The following IL13RA1 variants were observed in gnomAD, a reference collection of about 807,000 sequenced individuals.
IL13RA1 encodes interleukin-13 receptor subunit alpha-1.
In IL13RA1, 14 loss-of-function variants were observed where a neutral mutation model predicts 33.8. That is an observed-to-expected ratio of 0.41 (90% CI 0.27 to 0.65). IL13RA1 has a LOEUF of 0.65. Among genes scored for constraint, IL13RA1 ranks in the 30% least tolerant of loss-of-function variants. The probability of loss-of-function intolerance (pLI) is 0.28; values close to 1 mark genes in which losing one functional copy is unlikely to be tolerated. For synonymous variants in IL13RA1, 116 were observed against 115.7 expected (o/e 1.00, Z -0.02); for missense variants, 313 against 327.0 (o/e 0.96, Z 0.33).
At chrX:118,768,802 G>C in intron 8 of IL13RA1, among the ~76,000 whole-genome samples, 1 of 112,100 alleles carries the variant, frequency 8.9e-6, no homozygotes, top group East Asian at 2.8e-4. Context: ...GCTAGGAAGA[G>C]GCAAAGAGGG....
chrX:118,780,964 T>C (rs1322488291), intron 10 of IL13RA1, among the ~76,000 whole-genome samples: 1 of 112,419 alleles, frequency 8.9e-6, no homozygotes, highest in Admixed American at 9.4e-5. Flanking sequence ...TAAAAACTTA[T>C]TTAGTTATGG....
intron 1 of IL13RA1, among the ~76,000 whole-genome samples, chrX:118,736,835 G>A (rs2017288161): frequency 8.9e-6 from 1 of 112,578 alleles, no homozygotes; most frequent in Non-Finnish European, 1.9e-5. Context: ...TGTTGCCAGG[G>A]CTGATCTTTA....
chrX:118,728,509 G>A (rs1013116459), intron 1 of IL13RA1, among the ~76,000 whole-genome samples: 5 of 112,206 alleles, frequency 4.5e-5, no homozygotes, highest in African/African-American at 1.6e-4. Flanking sequence ...CCTGGCAGTT[G>A]TGAAAAATTG....
intron 10 of IL13RA1, among the ~76,000 whole-genome samples, chrX:118,784,149 G>A (rs74701985): frequency 0.099 from 4,048 of 41,003 alleles, 649 homozygotes; most frequent in East Asian, 0.29. Flanking sequence ...ATATATATAC[G>A]TATATACACA....
At chrX:118,771,577 A>G (rs374947367) in intron 8 of IL13RA1, among the ~76,000 whole-genome samples, 1 of 112,273 alleles carries the variant, frequency 8.9e-6, no homozygotes, top group South Asian at 3.7e-4. Context: ...TCAGATAGTA[A>G]TTTGTTCCCA....
At chrX:118,737,059 T>TG (rs2017290776) in intron 1 of IL13RA1, among the ~76,000 whole-genome samples, 1 of 112,791 alleles carries the variant, frequency 8.9e-6, no homozygotes, top group African/African-American at 3.2e-5. Flanking sequence ...AGGGAGGGCT[T>TG]GCAACAGTGG....
intron 1 of IL13RA1, among the ~76,000 whole-genome samples, chrX:118,735,010 G>T (rs1407000717): frequency 9.0e-6 from 1 of 110,649 alleles, no homozygotes; most frequent in African/African-American, 3.3e-5. Context: ...ATTTAGTTTT[G>T]GTGGTTTTGT....
intron 10 of IL13RA1, among the ~76,000 whole-genome samples, chrX:118,784,908 C>A (rs1314689165): frequency 9.0e-6 from 1 of 111,552 alleles, no homozygotes; most frequent in Non-Finnish European, 1.9e-5. Flanking sequence ...GTCTTTTTGG[C>A]TGGTTGTCAA....
At chrX:118,782,909 G>C (rs2017862078) in intron 10 of IL13RA1, among the ~76,000 whole-genome samples, 1 of 110,961 alleles carries the variant, frequency 9.0e-6, no homozygotes, top group South Asian at 3.8e-4. Context: ...GCCTCAACTT[G>C]TTCTTTTTCA....
At chrX:118,781,128 C>T (rs1294269314) in intron 10 of IL13RA1, among the ~76,000 whole-genome samples, 1 of 109,809 alleles carries the variant, frequency 9.1e-6, no homozygotes, top group East Asian at 2.9e-4. Flanking sequence ...GGGCTTCTGG[C>T]CATATTGAGG....
intron 2 of IL13RA1, among the ~76,000 whole-genome samples, chrX:118,741,962 A>G (rs1016477841): frequency 3.6e-5 from 4 of 111,109 alleles, no homozygotes; most frequent in African/African-American, 1.3e-4. Context: ...CAGGAGAACT[A>G]GCTTCTGATT....
chrX:118,737,068 G>T (rs1261494978), intron 1 of IL13RA1, among the ~76,000 whole-genome samples: 4 of 112,681 alleles, frequency 3.5e-5, no homozygotes, highest in Non-Finnish European at 7.5e-5. Flanking sequence ...TTGCAACAGT[G>T]GGGATAGGTG....
intron 10 of IL13RA1, among the ~76,000 whole-genome samples, chrX:118,777,217 TC>T (rs2147395235): frequency 1.8e-5 from 2 of 110,564 alleles, no homozygotes; most frequent in East Asian, 5.7e-4. Context: ...TCTAGATACC[TC>T]CTATATGTGA....
intron 4 of IL13RA1, among the ~76,000 whole-genome samples, chrX:118,751,126 C>G (rs2017465871): frequency 8.9e-6 from 1 of 111,917 alleles, no homozygotes; most frequent in African/African-American, 3.2e-5. Flanking sequence ...AGTTTAGCTT[C>G]CTGCAAAACA....
intron 2 of IL13RA1, among the ~76,000 whole-genome samples, chrX:118,744,036 C>A (rs2017376234): frequency 9.0e-6 from 1 of 111,161 alleles, no homozygotes; most frequent in Non-Finnish European, 1.9e-5. Context: ...ATCCCAACTA[C>A]TTGGGAGGCT....
chrX:118,729,310 T>C (rs1270991236), intron 1 of IL13RA1, among the ~76,000 whole-genome samples: 3 of 111,979 alleles, frequency 2.7e-5, no homozygotes, highest in Non-Finnish European at 5.6e-5. Flanking sequence ...GTCACAATGG[T>C]TTGTCGTTAG....
chrX:118,748,645 C>CA (rs1472782375), intron 3 of IL13RA1, among the ~76,000 whole-genome samples: 2 of 109,646 alleles, frequency 1.8e-5, no homozygotes, highest in African/African-American at 6.6e-5. Context: ...GACTCTGTCT[C>CA]AAAAAAATAA....
chrX:118,779,961 T>C (rs1439113133), intron 10 of IL13RA1, among the ~76,000 whole-genome samples: 1 of 112,261 alleles, frequency 8.9e-6, no homozygotes, highest in Non-Finnish European at 1.9e-5. Flanking sequence ...GAGGATAATA[T>C]GTTGTTTTTG....
intron 7 of IL13RA1, 33 bp from the exon 8 acceptor site, chrX:118,766,811 A>G: frequency 1.2e-6 from 1 of 839,267 alleles, no homozygotes; most frequent in Non-Finnish European, 1.7e-6. Flanking sequence ...TAAACTGGTA[A>G]TATTCCTTGT....
Sources: gnomAD v4.1 joint callset for allele counts (sites outside exome capture counted in the v4.1 genomes callset) on GRCh38, gnomAD v4.1.1 for gene constraint, MANE v1.5 for transcripts, NCBI Gene and HGNC (gene_info 2026-07-23, HGNC 2026-07-21) for gene names.